PTPRO: variants seen among roughly 807,000 people sequenced by gnomAD.
PTPRO encodes the protein protein tyrosine phosphatase receptor type O, also known as receptor-type tyrosine-protein phosphatase O.
In PTPRO, 62 loss-of-function variants were observed where a neutral mutation model predicts 145.2. The observed-to-expected ratio is 0.43, with a 90% CI of 0.35 to 0.53. The LOEUF is 0.53. PTPRO is among the 20% of genes least tolerant of loss of function. PTPRO has a pLI of 0.01. For synonymous variants in PTPRO, 565 were observed against 514.7 expected (o/e 1.10, Z -1.32); for missense variants, 1,345 against 1,482.7 (o/e 0.91, Z 1.53).
intron 1 of PTPRO, among the ~76,000 whole-genome samples, chr12:15,359,615 C>T: frequency 6.6e-6 from 1 of 151,734 alleles, no homozygotes; most frequent in Non-Finnish European, 1.5e-5. Flanking sequence ...GATGGAGTTT[C>T]ACCATATTGG....
intron 12 of PTPRO, among the ~76,000 whole-genome samples, chr12:15,538,334 C>T (rs1943108763): frequency 6.6e-6 from 1 of 151,984 alleles, no homozygotes; most frequent in African/African-American, 2.4e-5. Flanking sequence ...AAGCGATTCT[C>T]CTGCCTCAGC....
At chr12:15,483,607 A>T (rs920077976) in intron 1 of PTPRO, among the ~76,000 whole-genome samples, 3 of 152,124 alleles carry the variant, frequency 2.0e-5, no homozygotes, top group Non-Finnish European at 4.4e-5. Flanking sequence ...TTGCCAGCAC[A>T]GTTGAAACCA....
chr12:15,551,603 C>A lies in PTPRO; in HGVS notation c.2490C>A (p.Ser830Arg). The change falls in exon 15 of 27, where the codon AGC (serine) becomes AGA (arginine). Residue 830 changes from serine (S) to arginine (R), a missense_variant. Around this residue, in one of 3 missense-constraint regions of PTPRO, gnomAD observed 1,130 missense variants for 1,214.7 expected, o/e 0.93. Transcript: ENST00000281171. Reference sequence around the variant, plus strand: ...TGATCTCCGTGCTGGCCATCCTTAGCACACTTTTAATTGGACTGTTGCTTG... The same window carrying A: ...TGATCTCCGTGCTGGCCATCCTTAGAACACTTTTAATTGGACTGTTGCTTG... The part of the protein sequence containing the change: ...VVVISVLAIL[S>R]TLLIGLLLVT... 2 of 1,613,590 alleles carry A rather than the reference C, an allele frequency of 1.2e-6. No individual in the cohort carries two copies. Among genetic ancestry groups the A allele is most frequent in the Non-Finnish European group, 1.7e-6 (2 of 1,179,640 alleles).
chr12:15,366,448 T>C (rs925676580), intron 1 of PTPRO, among the ~76,000 whole-genome samples: 1 of 152,210 alleles, frequency 6.6e-6, no homozygotes, highest in Non-Finnish European at 1.5e-5. Context: ...ATTCTAAATT[T>C]AAAGTTTTGA....
intron 10 of PTPRO, among the ~76,000 whole-genome samples, chr12:15,523,592 T>C (rs868464350): frequency 1.3e-5 from 2 of 152,014 alleles, no homozygotes; most frequent in Admixed American, 6.6e-5. Flanking sequence ...CTAGGCAATA[T>C]AGAAAGACCC....
chr12:15,457,308 T>C (rs1565640958), intron 1 of PTPRO, among the ~76,000 whole-genome samples: 1 of 152,232 alleles, frequency 6.6e-6, no homozygotes, highest in Non-Finnish European at 1.5e-5. Flanking sequence ...GGTATTTGCC[T>C]TTTGATCATG....
chr12:15,480,474 A>G (rs1377946020), intron 1 of PTPRO, among the ~76,000 whole-genome samples: 5 of 152,088 alleles, frequency 3.3e-5, no homozygotes, highest in Non-Finnish European at 7.4e-5. Flanking sequence ...CCTTAGGACA[A>G]TTCTTTTAGC....
chr12:15,595,697 T>C (rs1944645380), intron 26 of PTPRO: 1 of 156,002 alleles, frequency 6.4e-6, no homozygotes, highest in Non-Finnish European at 1.4e-5. Context: ...GTAAACAGAC[T>C]GTAGAGTGTC....
intron 24 of PTPRO, among the ~76,000 whole-genome samples, chr12:15,588,919 GC>G (rs1248530929): frequency 6.6e-6 from 1 of 152,162 alleles, no homozygotes; most frequent in Non-Finnish European, 1.5e-5. Context: ...CAGGAACGTA[GC>G]CATGATAGTC....
intron 7 of PTPRO, 88 bp downstream of exon 7, chr12:15,508,855 C>T (rs1942377160): frequency 2.2e-6 from 3 of 1,348,528 alleles, no homozygotes; most frequent in Non-Finnish European, 2.1e-6. Context: ...TGTAGGAAGC[C>T]AGGCTGAGGT....
intron 2 of PTPRO, among the ~76,000 whole-genome samples, chr12:15,490,848 A>T (rs1941986163): frequency 6.6e-6 from 1 of 152,186 alleles, no homozygotes; most frequent in Non-Finnish European, 1.5e-5. Flanking sequence ...CTGGTTTAGG[A>T]CAAAGATTCT....
chr12:15,368,799 G>A (rs1002927148), intron 1 of PTPRO, among the ~76,000 whole-genome samples: 4 of 152,152 alleles, frequency 2.6e-5, no homozygotes, highest in Middle Eastern at 3.4e-3. Context: ...TCCTGTTTAC[G>A]GCTGAAACTT....
chr12:15,395,863 G>A (rs1387921342), intron 1 of PTPRO, among the ~76,000 whole-genome samples: 1 of 151,490 alleles, frequency 6.6e-6, no homozygotes, highest in Non-Finnish European at 1.5e-5. Flanking sequence ...CTCTTGTATT[G>A]CAAAATGGGA....
chr12:15,583,695 A>G (rs1944371441), intron 23 of PTPRO, among the ~76,000 whole-genome samples: 2 of 152,172 alleles, frequency 1.3e-5, no homozygotes, highest in Admixed American at 1.3e-4. Flanking sequence ...AAAAACTAAA[A>G]TATTTACTAA....
At chr12:15,548,656 C>T (rs774840613) in intron 13 of PTPRO, among the ~76,000 whole-genome samples, 21 of 152,024 alleles carry the variant, frequency 1.4e-4, no homozygotes, top group South Asian at 6.2e-4. Flanking sequence ...ATTCATCAAC[C>T]GGGGCTCATT....
intron 1 of PTPRO, among the ~76,000 whole-genome samples, chr12:15,449,434 T>C (rs758296591): frequency 3.3e-5 from 5 of 152,168 alleles, no homozygotes; most frequent in Admixed American, 6.5e-5. Flanking sequence ...GTGCATACCA[T>C]GGACAGGGAA....
intron 18 of PTPRO, among the ~76,000 whole-genome samples, chr12:15,567,993 AT>A (rs1222700200): frequency 6.6e-6 from 1 of 152,220 alleles, no homozygotes; most frequent in Admixed American, 6.5e-5. Context: ...AAGTAAAAAC[AT>A]TTCAGTTTAA....
intron 1 of PTPRO, among the ~76,000 whole-genome samples, chr12:15,370,131 G>A (rs1428925695): frequency 6.6e-6 from 1 of 152,090 alleles, no homozygotes; most frequent in Non-Finnish European, 1.5e-5. Flanking sequence ...TTAACAGAAG[G>A]TTTTTGAGTA....
chr12:15,441,104 A>C (rs1940753158), intron 1 of PTPRO, among the ~76,000 whole-genome samples: 1 of 152,208 alleles, frequency 6.6e-6, no homozygotes, highest in Non-Finnish European at 1.5e-5. Flanking sequence ...GATTGACCAC[A>C]TGCTCTACCA....
Sources: gnomAD v4.1 joint callset for allele counts (sites outside exome capture counted in the v4.1 genomes callset) on GRCh38, gnomAD v4.1.1 for gene constraint, gnomAD v4.1.1 regional missense constraint, MANE v1.5 for transcripts, NCBI Gene and HGNC (gene_info 2026-07-23, HGNC 2026-07-21) for gene names.